Variants in UNC80 observed in about 807,000 individuals in gnomAD.
UNC80 encodes the protein protein unc-80 homolog.
Under a neutral mutation model 384.6 loss-of-function variants are expected in UNC80, and 164 were observed. The observed-to-expected ratio is 0.43, with a 90% CI of 0.38 to 0.49. The LOEUF is 0.49. UNC80 is among the 20% of genes least tolerant of loss of function. The pLI is 0.00. For missense variants in UNC80, 3,330 were observed against 4,143.0 expected, an observed-to-expected ratio of 0.80 and a Z score of 5.39; for synonymous variants, 1,486 against 1,527.8, an observed-to-expected ratio of 0.97 and a Z score of 0.64.
At chr2:209,822,605 A>T (rs1414515371) in intron 13 of UNC80, among the ~76,000 whole-genome samples, 2 of 152,206 alleles carry the variant, frequency 1.3e-5, no homozygotes, top group African/African-American at 4.8e-5. Context: ...TTATCAGCAA[A>T]GCTTAGATGT....
chr2:209,967,812 G>C lies in UNC80; in HGVS notation c.8006+175G>C, dbSNP rs992642712. The C allele has an allele frequency of 1.3e-4, 73 of 571,114 alleles. 1 individual carries two copies. The highest frequency in any genetic ancestry group is 2.1e-4 in the Non-Finnish European group (69 of 331,286). 35.4% of individuals were successfully genotyped at this position (571,114 alleles called of 1,614,324 possible). A position where few individuals can be genotyped will look rare whatever the true frequency, so the allele number is the denominator to read the frequency against. On this transcript the variant is annotated intron_variant, in intron 52 of 64. Coordinates refer to ENST00000673920, the MANE Select transcript of UNC80 (RefSeq NM_001371986.1). ...CTAAGTAGCAAAGCCTACATTTTGAGAAAAATAACATTTTCTTTAAAAGTA... is the reference window on the plus strand; with the variant it reads ...CTAAGTAGCAAAGCCTACATTTTGACAAAAATAACATTTTCTTTAAAAGTA...
intron 7 of UNC80, among the ~76,000 whole-genome samples, chr2:209,797,235 G>A (rs1254493754): frequency 1.3e-5 from 2 of 151,728 alleles, no homozygotes; most frequent in Non-Finnish European, 2.9e-5. Flanking sequence ...AATGAGACAC[G>A]TGCAGAACAT....
intron 5 of UNC80, among the ~76,000 whole-genome samples, 181 bp downstream of exon 5, chr2:209,786,370 T>C (rs1258377989): frequency 6.6e-6 from 1 of 152,228 alleles, no homozygotes; most frequent in African/African-American, 2.4e-5. Flanking sequence ...ATCAAGAGCA[T>C]GGACTTTGGG....
chr2:209,998,030 TTAC>T lies in UNC80; in HGVS notation c.*2439_*2441del, dbSNP rs1235034525. 3 of 152,228 alleles carry T rather than the reference TTAC, an allele frequency of 2.0e-5. No individual in the cohort carries two copies. The highest frequency in any genetic ancestry group is 4.4e-5 in the Non-Finnish European group (3 of 68,036). The allele number at this position is 152,228 out of a possible 1,614,324, so 9.4% of individuals were successfully genotyped here. On this transcript the variant is annotated 3_prime_UTR_variant, in exon 65 of 65. Coordinates refer to ENST00000673920, the MANE Select transcript of UNC80 (RefSeq NM_001371986.1). ...TATTAAGTACATGACTAAAAGCTAA[TTAC>T]TACATATGATAAATGCAGTGTTGGT...
At chr2:209,919,039 G>A (rs1350181947) in intron 33 of UNC80, among the ~76,000 whole-genome samples, 1 of 152,070 alleles carries the variant, frequency 6.6e-6, no homozygotes, top group African/African-American at 2.4e-5. Context: ...AAAGAAGAGA[G>A]TTGGCAGCTA....
intron 4 of UNC80, among the ~76,000 whole-genome samples, chr2:209,779,027 G>A (rs866900727): frequency 6.6e-6 from 1 of 152,132 alleles, no homozygotes. Flanking sequence ...ACATACACTG[G>A]CCACATTGCC....
At chr2:209,847,370 C>CA (rs778594181) in intron 21 of UNC80, among the ~76,000 whole-genome samples, 64 of 151,886 alleles carry the variant, frequency 4.2e-4, no homozygotes, top group South Asian at 1.7e-3. Context: ...CAAAATATAT[C>CA]AAAAATATAT....
intron 7 of UNC80, among the ~76,000 whole-genome samples, chr2:209,801,377 C>CTTT (rs35079056): frequency 2.4e-3 from 160 of 65,936 alleles, no homozygotes; most frequent in African/African-American, 5.1e-3. Flanking sequence ...GCAACCCCTG[C>CTTT]TTTTTTTTTT....
rs895642142 is a variant in UNC80 at position 209,959,813 on chromosome 2, T to C, written c.7805+106T>C. On this transcript the variant is annotated intron_variant, in intron 51 of 64. Coordinates refer to ENST00000673920, the MANE Select transcript of UNC80 (RefSeq NM_001371986.1). ...GGGGTTCTCCAGGAAAAACTCTTAA[T>C]ATAGAATGATTTGTTTCCGGTGACT... The C allele has an allele frequency of 6.7e-6, 7 of 1,039,682 alleles. No individual in the cohort carries two copies. The African/African-American group carries it at 9.7e-5, about 14-fold the overall frequency. The allele number at this position is 1,039,682 out of a possible 1,614,324, so 64.4% of individuals were successfully genotyped here.
intron 31 of UNC80, among the ~76,000 whole-genome samples, chr2:209,914,406 T>G (rs1401545491): frequency 6.6e-6 from 1 of 152,226 alleles, no homozygotes; most frequent in African/African-American, 2.4e-5. Flanking sequence ...AGAGGCAAAA[T>G]GTGTATTCTT....
intron 31 of UNC80, among the ~76,000 whole-genome samples, chr2:209,914,949 A>G (rs2089353263): frequency 6.6e-6 from 1 of 152,014 alleles, no homozygotes; most frequent in Non-Finnish European, 1.5e-5. Context: ...GCTCTTTTAT[A>G]CCATACTGCA....
At position 209,941,210 on chromosome 2, in the gene UNC80, T is replaced by C; in HGVS notation, c.6647-11T>C. The C allele has an allele frequency of 2.0e-6, 3 of 1,491,924 alleles. No individual in the cohort carries two copies. The highest frequency in any genetic ancestry group is 2.7e-6 in the Non-Finnish European group (3 of 1,108,924). 92.4% of individuals were successfully genotyped at this position (1,491,924 alleles called of 1,614,324 possible). On this transcript the variant is annotated splice_polypyrimidine_tract_variant and intron_variant, in intron 43 of 64. Coordinates refer to ENST00000673920, the MANE Select transcript of UNC80 (RefSeq NM_001371986.1). ...GGCTAATTCTGTCTCTGCTGTTTCA[T>C]GTTCTCACAGCTGGAAAGGAACTGT... is the stretch of plus-strand genomic sequence containing the variant.
intron 7 of UNC80, among the ~76,000 whole-genome samples, chr2:209,800,983 G>A (rs982051077): frequency 5.9e-5 from 9 of 152,074 alleles, no homozygotes; most frequent in Admixed American, 1.3e-4. Context: ...TTATGTAGTC[G>A]ATTTTAGAAT....
chr2:209,785,839 T>C (rs747119599), intron 4 of UNC80, among the ~76,000 whole-genome samples: 2 of 152,224 alleles, frequency 1.3e-5, no homozygotes, highest in African/African-American at 2.4e-5. Flanking sequence ...TGATTGGTCA[T>C]TAATTTTGGA....
chr2:209,882,029 C>T (rs1044698177), intron 25 of UNC80, among the ~76,000 whole-genome samples: 13 of 148,468 alleles, frequency 8.8e-5, no homozygotes, highest in South Asian at 4.3e-4. Context: ...AGCAATGGCG[C>T]GATCTCTGCT....
chr2:209,824,942 G>A (rs1362555456), intron 13 of UNC80, among the ~76,000 whole-genome samples: 2 of 152,122 alleles, frequency 1.3e-5, no homozygotes, highest in African/African-American at 4.8e-5. Flanking sequence ...AATTTGCTCT[G>A]CATAGTAAAC....
At chr2:209,905,050 G>A in intron 29 of UNC80, 85 bp downstream of exon 29, 1 of 1,405,830 alleles carries the variant, frequency 7.1e-7, no homozygotes. Context: ...GAATTTTCAA[G>A]CAAATGCAAT....
intron 58 of UNC80, among the ~76,000 whole-genome samples, chr2:209,977,564 T>C (rs2093044926): frequency 6.6e-6 from 1 of 152,172 alleles, no homozygotes. Context: ...AGATAAATAA[T>C]TTACAAGTAA....
rs1452956190 is a variant in UNC80 at position 209,996,491 on chromosome 2, C to T, written c.*896C>T. 6.6e-6 allele frequency: 1 copy of T among 152,124 alleles called. No individual in the cohort carries two copies. Among genetic ancestry groups the T allele is most frequent in the Non-Finnish European group, 1.5e-5 (1 of 68,024 alleles). 9.4% of individuals were successfully genotyped at this position (152,124 alleles called of 1,614,324 possible). A position where few individuals can be genotyped will look rare whatever the true frequency, so the allele number is the denominator to read the frequency against. ...TTTCCTTATAGTATCCTGTGCCTGC[C>T]CTGGAGGGCATATTTTCAGATATTA... On this transcript the variant is annotated 3_prime_UTR_variant, in exon 65 of 65. Coordinates refer to ENST00000673920, the MANE Select transcript of UNC80 (RefSeq NM_001371986.1).
Sources: gnomAD v4.1 joint callset for allele counts (sites outside exome capture counted in the v4.1 genomes callset) on GRCh38, gnomAD v4.1.1 for gene constraint, MANE v1.5 for transcripts, NCBI Gene and HGNC (gene_info 2026-07-23, HGNC 2026-07-21) for gene names.